ACTR3C: variants seen among roughly 807,000 people sequenced by gnomAD.
The protein encoded by ACTR3C is actin related protein 3C, also known as actin-related protein 3C.
Under a neutral mutation model 26.3 loss-of-function variants are expected in ACTR3C, and 18 were observed. The ratio of observed to expected loss-of-function variants is 0.68; its 90% CI spans 0.47 to 1.01. ACTR3C has a LOEUF of 1.01. Among genes scored for constraint, ACTR3C ranks in the 50% least tolerant of loss-of-function variants. ACTR3C has a pLI of 0.00. For synonymous variants in ACTR3C, 55 were observed against 94.5 expected (o/e 0.58, Z 2.42); for missense variants, 184 against 250.7 (o/e 0.73, Z 1.80).
the ACTR3C span, among the ~76,000 whole-genome samples, chr7:150,234,939 T>A: frequency 2.0e-5 from 3 of 152,300 alleles, no homozygotes; most frequent in African/African-American, 7.2e-5. Flanking sequence ...AAAAATAGTG[T>A]CTTCCCCACT....
chr7:150,179,823 T>C, the ACTR3C span, among the ~76,000 whole-genome samples: 2 of 151,646 alleles, frequency 1.3e-5, no homozygotes, highest in African/African-American at 4.9e-5. Flanking sequence ...TGTTAATGTA[T>C]AATTATTAAA....
chr7:149,914,689 A>C, the ACTR3C span, among the ~76,000 whole-genome samples: 1 of 151,220 alleles, frequency 6.6e-6, no homozygotes, highest in African/African-American at 2.5e-5. Context: ...AGATGATGGG[A>C]GAAAAAAAAA....
downstream of ACTR3C, among the ~76,000 whole-genome samples, chr7:150,240,058 G>A (rs969693867): frequency 7.2e-5 from 11 of 152,124 alleles, no homozygotes; most frequent in African/African-American, 2.4e-4. Context: ...CCTGGCCTGG[G>A]CAAGATTACT....
At chr7:150,081,476 T>A in the ACTR3C span, among the ~76,000 whole-genome samples, 25 of 151,598 alleles carry the variant, frequency 1.6e-4, no homozygotes, top group African/African-American at 6.1e-4. Context: ...AGACTCTTAA[T>A]AAGCAGGGCC....
intron 1 of ACTR3C, among the ~76,000 whole-genome samples, chr7:150,310,373 C>CCTATTAT (rs1215866390): frequency 5.9e-5 from 9 of 152,136 alleles, no homozygotes; most frequent in African/African-American, 2.2e-4. Context: ...AGGGATGAAG[C>CCTATTAT]CTATTATCAC....
At chr7:149,930,015 A>C in the ACTR3C span, among the ~76,000 whole-genome samples, 1,582 of 152,318 alleles carry the variant, frequency 0.01, 29 homozygotes, top group African/African-American at 0.036. Flanking sequence ...ACAAATATGC[A>C]TATCCTGTAT....
At chr7:150,261,658 C>T (rs1189436069) in intron 6 of ACTR3C, among the ~76,000 whole-genome samples, 3 of 152,036 alleles carry the variant, frequency 2.0e-5, no homozygotes, top group Non-Finnish European at 2.9e-5. Context: ...GCAGAGATCA[C>T]GCCATTACAC....
the ACTR3C span, among the ~76,000 whole-genome samples, chr7:150,193,961 A>G: frequency 6.7e-6 from 1 of 148,674 alleles, no homozygotes; most frequent in Non-Finnish European, 1.5e-5. Context: ...AAAAATATAT[A>G]TATATATATA....
chr7:149,920,044 T>C, the ACTR3C span, among the ~76,000 whole-genome samples: 1 of 151,624 alleles, frequency 6.6e-6, no homozygotes, highest in Admixed American at 6.6e-5. Flanking sequence ...ATTCAATTGT[T>C]TTTGCCTTCT....
the ACTR3C span, among the ~76,000 whole-genome samples, chr7:150,042,985 C>G: frequency 1.3e-5 from 2 of 151,394 alleles, 1 homozygote; most frequent in African/African-American, 4.9e-5. Flanking sequence ...GGGTCCCCGC[C>G]CCCTTTGTGA....
At chr7:150,260,446 T>C (rs1833560478) in intron 6 of ACTR3C, among the ~76,000 whole-genome samples, 1 of 152,226 alleles carries the variant, frequency 6.6e-6, no homozygotes, top group Admixed American at 6.5e-5. Context: ...TCATATCTTT[T>C]TTTGTTTGTT....
At chr7:149,938,544 A>AC in the ACTR3C span, among the ~76,000 whole-genome samples, 4 of 152,056 alleles carry the variant, frequency 2.6e-5, no homozygotes, top group Non-Finnish European at 5.9e-5. Context: ...AGGTGAGGAA[A>AC]CCCCCCAGAA....
chr7:150,031,286 A>AC, the ACTR3C span, among the ~76,000 whole-genome samples: 78 of 150,696 alleles, frequency 5.2e-4, no homozygotes, highest in East Asian at 3.7e-3. Flanking sequence ...AAAAAAAAAA[A>AC]AACAAATCTG....
intron 6 of ACTR3C, among the ~76,000 whole-genome samples, chr7:150,276,235 T>G (rs1834867634): frequency 6.6e-6 from 1 of 152,088 alleles, no homozygotes; most frequent in Non-Finnish European, 1.5e-5. Flanking sequence ...AAATTTTCAT[T>G]CCTGTAATAC....
chr7:150,293,370 C>A lies in ACTR3C; in HGVS notation c.95G>T (p.Arg32Leu), dbSNP rs369341413. The A allele has an allele frequency of 2.0e-5, 32 of 1,608,188 alleles. No individual in the cohort carries two copies. The South Asian group carries it at 3.6e-4, about 18-fold the overall frequency. The change falls in exon 3 of 8, where the codon CGT becomes CTT. Residue 32 changes from arginine to leucine, a missense_variant. Transcript: ENST00000683684. ...ASWTSRQVGE[R>L]TLTGIVIDSG... The stretch of plus-strand genomic sequence containing the variant: ...GTCAATGACTATCCCCGTTAATGTA[C>A]GTTCACCCACTTGTCGAGATGTCCA...
At chr7:149,984,337 G>C in the ACTR3C span, among the ~76,000 whole-genome samples, 11 of 151,976 alleles carry the variant, frequency 7.2e-5, no homozygotes, top group Admixed American at 7.2e-4. Flanking sequence ...CTGAGGAGCC[G>C]GGGTTACAGG....
the ACTR3C span, among the ~76,000 whole-genome samples, chr7:150,180,269 C>T: frequency 6.7e-6 from 1 of 149,958 alleles, no homozygotes; most frequent in African/African-American, 2.5e-5. Flanking sequence ...CGCGCCACTG[C>T]ACTCCAGCCC....
At chr7:150,208,084 G>C in the ACTR3C span, among the ~76,000 whole-genome samples, 1 of 152,134 alleles carries the variant, frequency 6.6e-6, no homozygotes, top group African/African-American at 2.4e-5. Flanking sequence ...AAGCGAAGGA[G>C]GACACTGATT....
At chr7:150,129,289 T>C in the ACTR3C span, among the ~76,000 whole-genome samples, 7 of 152,088 alleles carry the variant, frequency 4.6e-5, no homozygotes, top group Admixed American at 3.9e-4. Context: ...ACATACTGAA[T>C]GGTTGAATAC....
Sources: allele counts gnomAD v4.1 joint callset (sites outside exome capture counted in the v4.1 genomes callset), GRCh38; gene constraint gnomAD v4.1.1; transcripts MANE v1.5; gene names NCBI Gene and HGNC (gene_info 2026-07-23, HGNC 2026-07-21).